Variants in PIP5K1B observed in about 807,000 individuals in gnomAD.
PIP5K1B encodes phosphatidylinositol 4-phosphate 5-kinase type-1 beta.
In PIP5K1B, 42 loss-of-function variants were observed where a neutral mutation model predicts 67.0. The observed-to-expected ratio is 0.63, with a 90% confidence interval of 0.49 to 0.81. The LOEUF is 0.81. Ranked by LOEUF, PIP5K1B falls within the 30% of genes least tolerant of loss-of-function variation. The probability of loss-of-function intolerance (pLI) is 0.00; values close to 1 mark genes in which losing one functional copy is unlikely to be tolerated. For synonymous variants in PIP5K1B, 214 were observed against 231.4 expected (o/e 0.92, Z 0.68); for missense variants, 459 against 646.3 (o/e 0.71, Z 3.14).
chr9:68,764,642 C>T (rs1325172636), intron 2 of PIP5K1B, among the ~76,000 whole-genome samples: 2 of 152,002 alleles, frequency 1.3e-5, no homozygotes, highest in African/African-American at 2.4e-5. Flanking sequence ...TTACCTTATA[C>T]ATTCTACCAA....
chr9:68,994,429 C>G lies in PIP5K1B; in HGVS notation c.1620+3172C>G, dbSNP rs1830520216. ...ATGAATATTATTATATTTTCCAAAACAAAAATAAATTTTGTGAGAAAGGTG... is the reference window on the plus strand; with the variant it reads ...ATGAATATTATTATATTTTCCAAAAGAAAAATAAATTTTGTGAGAAAGGTG... On this transcript the variant is annotated intron_variant, in intron 15 of 15. Transcript: ENST00000265382. Among the ~76,000 whole-genome samples the G allele has an allele frequency of 1.3e-5, 2 of 152,042 alleles. 1 individual carries two copies. Among genetic ancestry groups the G allele is most frequent in the South Asian group, 4.1e-4 (2 of 4,828 alleles).
intron 2 of PIP5K1B, among the ~76,000 whole-genome samples, chr9:68,792,173 G>C (rs1279651202): frequency 6.6e-6 from 1 of 152,112 alleles, no homozygotes; most frequent in Non-Finnish European, 1.5e-5. Flanking sequence ...TATTTGTATG[G>C]TTTCTTTTCT....
chr9:68,874,232 G>A (rs550442286), intron 5 of PIP5K1B, among the ~76,000 whole-genome samples: 2 of 152,292 alleles, frequency 1.3e-5, no homozygotes, highest in Admixed American at 1.3e-4. Flanking sequence ...CTGCCTCACA[G>A]TTGGCCCATA....
intron 14 of PIP5K1B, among the ~76,000 whole-genome samples, chr9:68,951,821 C>G (rs889304116): frequency 2.6e-5 from 4 of 152,192 alleles, no homozygotes; most frequent in African/African-American, 9.7e-5. Flanking sequence ...TCCACCTCCC[C>G]CTACGTCTTC....
At chr9:68,871,491 A>C (rs1442868364) in intron 5 of PIP5K1B, among the ~76,000 whole-genome samples, 1 of 152,160 alleles carries the variant, frequency 6.6e-6, no homozygotes, top group Non-Finnish European at 1.5e-5. Flanking sequence ...TGCCATTAAG[A>C]TATATGTATT....
chr9:68,825,520 A>G (rs1055167500), intron 4 of PIP5K1B, among the ~76,000 whole-genome samples: 5 of 152,240 alleles, frequency 3.3e-5, no homozygotes, highest in African/African-American at 1.2e-4. Flanking sequence ...CAAGGCCACC[A>G]TACATCTTAT....
chr9:68,831,789 C>T (rs1239133987), intron 4 of PIP5K1B, among the ~76,000 whole-genome samples: 1 of 152,134 alleles, frequency 6.6e-6, no homozygotes, highest in Non-Finnish European at 1.5e-5. Context: ...CACTCTCCTG[C>T]CTCAGCCTCC....
chr9:68,711,422 A>G (rs1464898236), intron 1 of PIP5K1B, among the ~76,000 whole-genome samples: 1 of 152,250 alleles, frequency 6.6e-6, no homozygotes, highest in Non-Finnish European at 1.5e-5. Flanking sequence ...TGTTCAGCAA[A>G]TATTTGACAA....
At chr9:68,968,717 T>TA (rs1829177292) in intron 14 of PIP5K1B, among the ~76,000 whole-genome samples, 3 of 148,664 alleles carry the variant, frequency 2.0e-5, no homozygotes, top group Admixed American at 1.3e-4. Flanking sequence ...ATATATATAT[T>TA]TTTTTTTTGC....
chr9:68,828,917 C>T (rs1587516543), intron 4 of PIP5K1B, among the ~76,000 whole-genome samples: 1 of 152,134 alleles, frequency 6.6e-6, no homozygotes, highest in East Asian at 1.9e-4. Flanking sequence ...GCCTGGCCAA[C>T]ATGGTGAAAC....
At position 68,967,933 on chromosome 9, in the gene PIP5K1B, A is replaced by G. The variant is rs186151538; in HGVS notation, c.1503-23207A>G. Among the ~76,000 whole-genome samples the G allele has an allele frequency of 7.5e-3, 438 of 58,048 alleles. 1 individual carries two copies. Among genetic ancestry groups the G allele is most frequent in the African/African-American group, 0.022 (406 of 18,640 alleles). The allele number at this position is 58,048 out of a possible 152,430, so 38.1% of individuals were successfully genotyped here. A position where few individuals can be genotyped will look rare whatever the true frequency, so the allele number is the denominator to read the frequency against. On this transcript the variant is annotated intron_variant, in intron 14 of 15. Coordinates refer to ENST00000265382, the MANE Select transcript of PIP5K1B (RefSeq NM_003558.4). ...CATTCCCAACAGGACTACACAGAAT[A>G]CCAGAAGGATTGCTCCCCAAAACCC...
chr9:68,787,500 A>G (rs1187113018), intron 2 of PIP5K1B, among the ~76,000 whole-genome samples: 5 of 152,142 alleles, frequency 3.3e-5, no homozygotes, highest in South Asian at 2.1e-4. Flanking sequence ...TTTCTTGCCA[A>G]TCTTTCATTT....
At chr9:68,930,495 C>T (rs1216532872) in intron 12 of PIP5K1B, among the ~76,000 whole-genome samples, 1 of 152,178 alleles carries the variant, frequency 6.6e-6, no homozygotes, top group East Asian at 1.9e-4. Context: ...TACTCAGCAA[C>T]ACCTATCAGT....
At chr9:68,962,548 A>G (rs1828808688) in intron 14 of PIP5K1B, among the ~76,000 whole-genome samples, 1 of 152,232 alleles carries the variant, frequency 6.6e-6, no homozygotes, top group Admixed American at 6.5e-5. Context: ...TAGAAAAATT[A>G]GAGGTTTACT....
rs1827157725 is a variant in PIP5K1B at position 68,934,535 on chromosome 9, A to C, written c.1202-355A>C. On this transcript the variant is annotated intron_variant, in intron 12 of 15. Coordinates refer to ENST00000265382, the MANE Select transcript of PIP5K1B (RefSeq NM_003558.4). ...TTATCAACTCACCCATCCTCCTCCC[A>C]GCACTAGAAAAACATTGTTTGGAGA... Among the ~76,000 whole-genome samples, 3 of 152,314 alleles carry C rather than the reference A, an allele frequency of 2.0e-5. No homozygotes were observed. The South Asian group carries it at 6.2e-4, about 32-fold the overall frequency.
At chr9:68,973,878 AT>A (rs1000590573) in intron 14 of PIP5K1B, among the ~76,000 whole-genome samples, 4 of 152,068 alleles carry the variant, frequency 2.6e-5, no homozygotes, top group African/African-American at 9.6e-5. Context: ...TTACTCAACA[AT>A]TTTTTTCGGG....
At chr9:68,946,347 T>C (rs1827801121) in intron 14 of PIP5K1B, among the ~76,000 whole-genome samples, 1 of 152,168 alleles carries the variant, frequency 6.6e-6, no homozygotes, top group Non-Finnish European at 1.5e-5. Flanking sequence ...TCGTTGATGC[T>C]AAACATTGAA....
chr9:68,955,409 G>A (rs951472769), intron 14 of PIP5K1B, among the ~76,000 whole-genome samples: 2 of 152,244 alleles, frequency 1.3e-5, no homozygotes, highest in Non-Finnish European at 1.5e-5. Context: ...CACTGTGAGA[G>A]AGAGCAGAGC....
intron 14 of PIP5K1B, among the ~76,000 whole-genome samples, chr9:68,990,633 A>C (rs1830320484): frequency 6.8e-6 from 1 of 147,588 alleles, no homozygotes; most frequent in Non-Finnish European, 1.5e-5. Context: ...GTGCTGGTAG[A>C]GAGAGAAAAT....
Sources: gnomAD v4.1 joint callset for allele counts (sites outside exome capture counted in the v4.1 genomes callset) on GRCh38, gnomAD v4.1.1 for gene constraint, MANE v1.5 for transcripts, NCBI Gene and HGNC (gene_info 2026-07-23, HGNC 2026-07-21) for gene names.